The following KDM5B variants were observed in gnomAD, a reference collection of about 807,000 sequenced individuals.
KDM5B encodes the protein lysine demethylase 5B.
A neutral mutation model predicts 193.4 loss-of-function variants in KDM5B; 144 were observed. The ratio of observed to expected loss-of-function variants is 0.74; its 90% CI spans 0.65 to 0.86. The LOEUF is 0.86. KDM5B is among the 40% of genes least tolerant of loss of function. The probability of loss-of-function intolerance (pLI) is 0.00; values close to 1 mark genes in which losing one functional copy is unlikely to be tolerated. For synonymous variants in KDM5B, 668 were observed against 682.6 expected (o/e 0.98, Z 0.33); for missense variants, 1,833 against 1,886.9 (o/e 0.97, Z 0.53).
At chr1:202,766,261 T>C in intron 5 of KDM5B, 1 of 234,822 alleles carries the variant, frequency 4.3e-6, no homozygotes, top group Non-Finnish European at 8.5e-6. Context: ...ATCCCAGCAC[T>C]TTGGGAGGCC....
chr1:202,724,768 A>G lies in KDM5B; in HGVS notation c.*4268T>C, dbSNP rs1233574031. The G allele has an allele frequency of 6.6e-6, 1 of 151,584 alleles. No individual in the cohort carries two copies. The highest frequency in any genetic ancestry group is 6.6e-5 in the Admixed American group (1 of 15,046). 9.4% of individuals were successfully genotyped at this position (151,584 alleles called of 1,614,324 possible). A position where few individuals can be genotyped will look rare whatever the true frequency, so the allele number is the denominator to read the frequency against. On this transcript the variant is annotated 3_prime_UTR_variant, in exon 27 of 27. Transcript: ENST00000367265. ...TGTTTGTGTGTGTGTGTGTGTTCACAGCAGAATCACAGTCAGTGAGAACGT... is the reference window on the plus strand; with the variant it reads ...TGTTTGTGTGTGTGTGTGTGTTCACGGCAGAATCACAGTCAGTGAGAACGT...
intron 14 of KDM5B, among the ~76,000 whole-genome samples, chr1:202,746,764 A>C (rs1230070302): frequency 6.6e-6 from 1 of 152,248 alleles, no homozygotes; most frequent in Non-Finnish European, 1.5e-5. Context: ...GGACGAGTGG[A>C]AAAGACTATC....
intron 1 of KDM5B, among the ~76,000 whole-genome samples, chr1:202,800,095 G>A (rs1171172178): frequency 6.6e-6 from 1 of 152,064 alleles, no homozygotes; most frequent in East Asian, 1.9e-4. Context: ...CCAGGCTGGA[G>A]TGCAGTGGTG....
chr1:202,767,165 C>A (rs1247890158), intron 4 of KDM5B, 105 bp from the exon 5 acceptor site: 9 of 1,554,108 alleles, frequency 5.8e-6, no homozygotes, highest in Non-Finnish European at 7.1e-6. Flanking sequence ...GTTTGATCTA[C>A]TTCCAGAGGC....
At chr1:202,804,616 G>A (rs1658209150) in intron 1 of KDM5B, among the ~76,000 whole-genome samples, 1 of 152,116 alleles carries the variant, frequency 6.6e-6, no homozygotes, top group South Asian at 2.1e-4. Flanking sequence ...AAAGATGAAG[G>A]AATCAAACTA....
rs753191473 is a variant in KDM5B at position 202,733,447 on chromosome 1, T to C, written c.3863A>G (p.Tyr1288Cys). Residue 1288 changes from tyrosine (Y) to cysteine (C), a missense_variant, in exon 23 of 27, where the codon TAT (tyrosine) becomes TGT (cysteine). Coordinates refer to ENST00000367265, the MANE Select transcript of KDM5B (RefSeq NM_006618.5). The stretch of plus-strand genomic sequence containing the variant: ...TCCTGCTGAGGCTTGCCATCTGCTA[T>C]ATAACAGTCCTGAGCCCACTCGATC... ...VQDRVGSGLL[Y>C]SRWQASAGQV... 1.9e-6 allele frequency: 3 copies of C among 1,614,066 alleles called. No homozygotes were observed. Among genetic ancestry groups the C allele is most frequent in the African/African-American group, 1.3e-5 (1 of 74,948 alleles).
At chr1:202,782,114 ATATGTT>A (rs1277017108) in intron 1 of KDM5B, among the ~76,000 whole-genome samples, 2 of 152,194 alleles carry the variant, frequency 1.3e-5, no homozygotes, top group Non-Finnish European at 2.9e-5. Flanking sequence ...GTGGGTATAA[ATATGTT>A]TAAAACTAAA....
intron 1 of KDM5B, among the ~76,000 whole-genome samples, chr1:202,789,272 G>A (rs905009211): frequency 4.6e-5 from 7 of 152,250 alleles, no homozygotes; most frequent in Middle Eastern, 3.4e-3. Flanking sequence ...TGTAAGCCCA[G>A]CACTTTGGGA....
rs1233141292 is a variant in KDM5B, at chr1:202,728,429, G to GTT, written c.*605_*606dup. The GTT allele has an allele frequency of 6.5e-6, 1 of 152,830 alleles. No individual in the cohort carries two copies. The highest frequency in any genetic ancestry group is 1.5e-5 in the Non-Finnish European group (1 of 68,212). The allele number at this position is 152,830 out of a possible 1,614,324, so 9.5% of individuals were successfully genotyped here. A position where few individuals can be genotyped will look rare whatever the true frequency, so the allele number is the denominator to read the frequency against. On this transcript the variant is annotated 3_prime_UTR_variant, in exon 27 of 27. Coordinates refer to ENST00000367265, the MANE Select transcript of KDM5B (RefSeq NM_006618.5). ...TAAAGCACCAACACACTGTTTGGAAGTTTGTTTTGTTTTGTTTTAATTCCA... is the reference window on the plus strand; with the variant it reads ...TAAAGCACCAACACACTGTTTGGAAGTTTTTGTTTTGTTTTGTTTTAATTCCA...
chr1:202,750,992 T>C (rs1187436048), intron 12 of KDM5B, among the ~76,000 whole-genome samples: 1 of 152,222 alleles, frequency 6.6e-6, no homozygotes, highest in African/African-American at 2.4e-5. Flanking sequence ...AGTTGATTAG[T>C]ATCTGAACAC....
chr1:202,792,243 GA>G (rs1283767558), intron 1 of KDM5B, among the ~76,000 whole-genome samples: 5 of 147,858 alleles, frequency 3.4e-5, no homozygotes, highest in African/African-American at 1.0e-4. Context: ...TTGGTGTTTA[GA>G]TTTTTTTTTT....
chr1:202,749,666 G>T (rs965810838), intron 13 of KDM5B, among the ~76,000 whole-genome samples: 2 of 150,062 alleles, frequency 1.3e-5, no homozygotes, highest in East Asian at 3.9e-4. Flanking sequence ...ATTAAAAAGT[G>T]GTTAAAAAAA....
chr1:202,774,607 C>T lies in KDM5B; in HGVS notation c.405+6G>A. The T allele has an allele frequency of 1.2e-6, 2 of 1,608,498 alleles. No homozygotes were observed. The highest frequency in any genetic ancestry group is 1.1e-5 in the South Asian group (1 of 90,366). On this transcript the variant is annotated splice_donor_region_variant and intron_variant, in intron 3 of 26. Coordinates refer to ENST00000367265, the MANE Select transcript of KDM5B (RefSeq NM_006618.5). The stretch of plus-strand genomic sequence containing the variant: ...AAAATAAGTAAGATGGTCATTAGCT[C>T]TTTACCTTATTAAGCTGAAATAAGT...
At chr1:202,730,710 G>A (rs1339685453) in intron 25 of KDM5B, among the ~76,000 whole-genome samples, 199 bp downstream of exon 25, 1 of 152,180 alleles carries the variant, frequency 6.6e-6, no homozygotes, top group Non-Finnish European at 1.5e-5. Context: ...GGAAGTGGCA[G>A]CAGCCGCAGT....
chr1:202,794,816 TA>T (rs1657773824), intron 1 of KDM5B, among the ~76,000 whole-genome samples: 1 of 152,196 alleles, frequency 6.6e-6, no homozygotes, highest in Non-Finnish European at 1.5e-5. Flanking sequence ...ACCCTATATA[TA>T]CTATGTTTTT....
In KDM5B at chr1:202,783,713, T is replaced by TA. The variant is rs1024400502; in HGVS notation, c.205-6620dup. Among the ~76,000 whole-genome samples the TA allele has an allele frequency of 2.8e-4, 41 of 148,908 alleles. 2 individuals carry two copies. Among genetic ancestry groups the TA allele is most frequent in the South Asian group, 6.4e-4 (3 of 4,686 alleles). On this transcript the variant is annotated intron_variant, in intron 1 of 26. Transcript: ENST00000367265. Reference sequence around the variant, plus strand: ...TAACACGGTGAAACCCCATCTCTACTAAAAAAAAATACAAAAAATTAGCCA... The same window carrying TA: ...TAACACGGTGAAACCCCATCTCTACTAAAAAAAAAATACAAAAAATTAGCCA...
chr1:202,737,256 T>A (rs1655131131), intron 20 of KDM5B, among the ~76,000 whole-genome samples: 1 of 152,238 alleles, frequency 6.6e-6, no homozygotes, highest in African/African-American at 2.4e-5. Context: ...CTTTACCATG[T>A]ATAAGAATCA....
chr1:202,769,445 A>G (rs1287734642), intron 4 of KDM5B, among the ~76,000 whole-genome samples: 1 of 151,370 alleles, frequency 6.6e-6, no homozygotes, highest in Non-Finnish European at 1.5e-5. Flanking sequence ...CAAGGCAGGT[A>G]GATCACTTGA....
At chr1:202,790,034 C>T (rs926634979) in intron 1 of KDM5B, among the ~76,000 whole-genome samples, 41 of 149,722 alleles carry the variant, frequency 2.7e-4, no homozygotes, top group African/African-American at 8.1e-4. Context: ...ACCAGCGAGG[C>T]GGGCGGATCA....
Sources: allele counts gnomAD v4.1 joint callset (sites outside exome capture counted in the v4.1 genomes callset), GRCh38; gene constraint gnomAD v4.1.1; transcripts MANE v1.5; gene names NCBI Gene and HGNC (gene_info 2026-07-23, HGNC 2026-07-21).